Variants in NXPE2 observed in about 807,000 individuals in gnomAD.
The protein encoded by NXPE2 is neurexophilin and PC-esterase domain family member 2.
In NXPE2, 34 loss-of-function variants were observed where a neutral mutation model predicts 34.4. The observed-to-expected ratio is 0.99, with a 90% CI of 0.75 to 1.31. The LOEUF is 1.31. Among genes scored for constraint, NXPE2 ranks in the 40% most tolerant of loss-of-function variants. The probability of loss-of-function intolerance (pLI) is 0.00; values close to 1 mark genes in which losing one functional copy is unlikely to be tolerated. For synonymous variants in NXPE2, 235 were observed against 231.3 expected, an observed-to-expected ratio of 1.02 and a Z score of -0.15; for missense variants, 649 against 672.5, an observed-to-expected ratio of 0.97 and a Z score of 0.39.
chr11:114,563,943 C>A, the NXPE2 span, among the ~76,000 whole-genome samples: 2 of 151,960 alleles, frequency 1.3e-5, no homozygotes, highest in African/African-American at 4.8e-5. Flanking sequence ...GTAGATATAC[C>A]ACTACTGGGT....
chr11:114,592,546 C>G, the NXPE2 span, among the ~76,000 whole-genome samples: 4 of 151,742 alleles, frequency 2.6e-5, no homozygotes, highest in African/African-American at 7.3e-5. Context: ...CACACACACA[C>G]AAAATAGATA....
the NXPE2 span, among the ~76,000 whole-genome samples, chr11:114,489,165 G>T: frequency 6.6e-6 from 1 of 152,108 alleles, no homozygotes; most frequent in Non-Finnish European, 1.5e-5. Context: ...CCAGGAAGAA[G>T]TTGAATCTCT....
chr11:114,597,885 T>C, the NXPE2 span, among the ~76,000 whole-genome samples: 1 of 152,124 alleles, frequency 6.6e-6, no homozygotes, highest in Non-Finnish European at 1.5e-5. Context: ...AATACAATCA[T>C]TGTTCTCACA....
chr11:114,515,489 T>A, the NXPE2 span, among the ~76,000 whole-genome samples: 3 of 152,202 alleles, frequency 2.0e-5, no homozygotes, highest in Non-Finnish European at 4.4e-5. Flanking sequence ...GAAAAACATG[T>A]GTTCAGAGAA....
chr11:114,557,362 A>G, the NXPE2 span, among the ~76,000 whole-genome samples: 1 of 152,112 alleles, frequency 6.6e-6, no homozygotes, highest in Non-Finnish European at 1.5e-5. Context: ...TTTACTAATT[A>G]TTAGGAAATG....
chr11:114,554,730 A>G, the NXPE2 span, among the ~76,000 whole-genome samples: 1 of 152,232 alleles, frequency 6.6e-6, no homozygotes, highest in East Asian at 1.9e-4. Flanking sequence ...TCGCTAAGCC[A>G]CAGGCATTGC....
chr11:114,527,445 T>C, the NXPE2 span, among the ~76,000 whole-genome samples: 1 of 152,174 alleles, frequency 6.6e-6, no homozygotes, highest in African/African-American at 2.4e-5. Context: ...AGATGAAAGC[T>C]CCATATAAAA....
chr11:114,528,305 A>G, the NXPE2 span, among the ~76,000 whole-genome samples: 3 of 152,172 alleles, frequency 2.0e-5, no homozygotes, highest in Non-Finnish European at 4.4e-5. Context: ...AAATTTTTCA[A>G]TACGACTGCC....
chr11:114,752,353 T>G, the NXPE2 span, among the ~76,000 whole-genome samples: 1 of 152,226 alleles, frequency 6.6e-6, no homozygotes, highest in East Asian at 1.9e-4. Flanking sequence ...CTACAATGAT[T>G]TGGTTTTCAT....
the NXPE2 span, among the ~76,000 whole-genome samples, chr11:114,587,568 C>T: frequency 6.6e-6 from 1 of 152,186 alleles, no homozygotes; most frequent in African/African-American, 2.4e-5. Context: ...TGACTAATCC[C>T]AATCCATTGG....
the NXPE2 span, among the ~76,000 whole-genome samples, chr11:114,657,000 A>C: frequency 7.2e-4 from 110 of 152,282 alleles, no homozygotes; most frequent in African/African-American, 2.6e-3. Context: ...AGGCTGAGGC[A>C]GGAGAATGGC....
At chr11:114,486,114 T>G in the NXPE2 span, among the ~76,000 whole-genome samples, 1 of 152,218 alleles carries the variant, frequency 6.6e-6, no homozygotes, top group Non-Finnish European at 1.5e-5. Context: ...CCACCAACAG[T>G]GTACAAGGGT....
At chr11:114,487,459 TC>T in the NXPE2 span, among the ~76,000 whole-genome samples, 1 of 151,932 alleles carries the variant, frequency 6.6e-6, no homozygotes, top group Non-Finnish European at 1.5e-5. Flanking sequence ...TTTGACTTCT[TC>T]CTTTCTAATT....
the NXPE2 span, among the ~76,000 whole-genome samples, chr11:114,656,009 G>T: frequency 1.8e-3 from 270 of 152,218 alleles, 4 homozygotes; most frequent in Non-Finnish European, 1.6e-4. Flanking sequence ...CAGATGACAT[G>T]ATCTTATATT....
the NXPE2 span, among the ~76,000 whole-genome samples, chr11:114,629,138 T>C: frequency 3.3e-5 from 5 of 151,888 alleles, no homozygotes; most frequent in South Asian, 2.1e-4. Context: ...TTCCAATCAA[T>C]AGAAAAAGAG....
chr11:114,807,389 A>G, the NXPE2 span, among the ~76,000 whole-genome samples: 1 of 152,362 alleles, frequency 6.6e-6, no homozygotes, highest in South Asian at 2.1e-4. Flanking sequence ...TAAATGACAC[A>G]GACTGGCAAA....
chr11:114,494,800 A>G, the NXPE2 span, among the ~76,000 whole-genome samples: 1 of 152,092 alleles, frequency 6.6e-6, no homozygotes, highest in East Asian at 1.9e-4. Context: ...TTAGGTATTT[A>G]TTGTAGTCTT....
the NXPE2 span, chr11:114,522,830 A>G: frequency 7.3e-7 from 1 of 1,365,736 alleles, no homozygotes; most frequent in Non-Finnish European, 1.0e-6. Context: ...CATTAAAAGT[A>G]CTTTAAAACC....
chr11:114,766,060 C>T, the NXPE2 span, among the ~76,000 whole-genome samples: 1 of 152,172 alleles, frequency 6.6e-6, no homozygotes, highest in African/African-American at 2.4e-5. Context: ...CACCATGTTT[C>T]TTCCAGTTTC....
Sources: allele counts gnomAD v4.1 joint callset (sites outside exome capture counted in the v4.1 genomes callset), GRCh38; gene constraint gnomAD v4.1.1; transcripts MANE v1.5; gene names NCBI Gene and HGNC (gene_info 2026-07-23, HGNC 2026-07-21).